Variants in ANKRD31 observed in about 807,000 individuals in gnomAD.
ANKRD31 encodes ankyrin repeat domain-containing protein 31.
A neutral mutation model predicts 186.0 loss-of-function variants in ANKRD31; 147 were observed. The ratio of observed to expected loss-of-function variants is 0.79; its 90% CI spans 0.69 to 0.91. The LOEUF (loss-of-function observed/expected upper bound fraction) is 0.91. Ranked by LOEUF, ANKRD31 falls within the 40% of genes least tolerant of loss-of-function variation. The probability of loss-of-function intolerance (pLI) is 0.00; values close to 1 mark genes in which losing one functional copy is unlikely to be tolerated. For synonymous variants in ANKRD31, 673 were observed against 736.4 expected (o/e 0.91, Z 1.39); for missense variants, 1,986 against 2,148.8 (o/e 0.92, Z 1.50).
chr5:75,188,348 G>A, intron 10 of ANKRD31, 145 bp downstream of exon 10: 1 of 718,396 alleles, frequency 1.4e-6, no homozygotes, highest in East Asian at 3.0e-5. Flanking sequence ...AGATAATGGT[G>A]ATGAGCTACT....
intron 10 of ANKRD31, among the ~76,000 whole-genome samples, chr5:75,171,640 C>T (rs1753329071): frequency 6.6e-6 from 1 of 150,692 alleles, no homozygotes; most frequent in Non-Finnish European, 1.5e-5. Flanking sequence ...ACAAAGACAA[C>T]TAAAAGAGCC....
chr5:75,114,640 G>A (rs139429269), intron 19 of ANKRD31, among the ~76,000 whole-genome samples: 7,490 of 152,090 alleles, frequency 0.049, 449 homozygotes, highest in African/African-American at 0.14. Context: ...CAAATCATGA[G>A]TGAACTCCCA....
chr5:75,147,124 C>A lies in ANKRD31; in HGVS notation c.2287G>T (p.Val763Phe). Residue 763 changes from valine (V) to phenylalanine (F), a missense_variant, in exon 14 of 26, where the codon GTT (valine) becomes TTT (phenylalanine). Physicochemically the swap from Val to Phe is conservative, Grantham distance 50. Transcript: ENST00000506364. ...VSPSRRINRL[V>F]TYQQHIPETH... ...TCTGGAATATGCTGCTGATAGGTAACCAATCTGTTTATTCTCCTGGAAGGA... is the reference window on the plus strand; with the variant it reads ...TCTGGAATATGCTGCTGATAGGTAAACAATCTGTTTATTCTCCTGGAAGGA... The A allele has an allele frequency of 6.5e-7, 1 of 1,536,282 alleles. No individual in the cohort carries two copies. Among genetic ancestry groups the A allele is most frequent in the Non-Finnish European group, 8.7e-7 (1 of 1,146,302 alleles).
At chr5:75,182,830 A>T (rs1390894965) in intron 10 of ANKRD31, among the ~76,000 whole-genome samples, 2 of 152,188 alleles carry the variant, frequency 1.3e-5, no homozygotes, top group East Asian at 3.8e-4. Flanking sequence ...GGTAAATATA[A>T]AAGTAAACAT....
At chr5:75,148,904 T>C (rs1751669958) in intron 12 of ANKRD31, among the ~76,000 whole-genome samples, 1 of 151,914 alleles carries the variant, frequency 6.6e-6, no homozygotes, top group Non-Finnish European at 1.5e-5. Flanking sequence ...AGTATTTATT[T>C]TCCCCACAGA....
intron 25 of ANKRD31, among the ~76,000 whole-genome samples, chr5:75,069,022 GGCATATA>G (rs1743994312): frequency 6.6e-6 from 1 of 152,024 alleles, no homozygotes. Context: ...CATACCGCCG[GGCATATA>G]GCAAACAATA....
At chr5:75,117,377 G>A (rs142527881) in intron 18 of ANKRD31, among the ~76,000 whole-genome samples, 1 of 152,262 alleles carries the variant, frequency 6.6e-6, no homozygotes, top group Non-Finnish European at 1.5e-5. Flanking sequence ...ATGGAAGCAG[G>A]CAACGAAAAG....
chr5:75,104,196 T>G, intron 22 of ANKRD31, 32 bp downstream of exon 22: 1 of 1,415,708 alleles, frequency 7.1e-7, no homozygotes. Flanking sequence ...TTATAAAATT[T>G]GCATGATTTT....
intron 22 of ANKRD31, among the ~76,000 whole-genome samples, chr5:75,093,099 T>C (rs1746050207): frequency 1.3e-5 from 2 of 151,974 alleles, no homozygotes; most frequent in African/African-American, 4.8e-5. Context: ...CAGAGAAATA[T>C]GGAACACCAT....
rs1428405237 is a variant in ANKRD31, at chr5:75,147,084, A to T, written c.2327T>A (p.Leu776His). 6.5e-7 allele frequency: 1 copy of T among 1,536,410 alleles called. No homozygotes were observed. Among genetic ancestry groups the T allele is most frequent in the Non-Finnish European group, 8.7e-7 (1 of 1,146,368 alleles). The change falls in exon 14 of 26, where the codon CTT (leucine) becomes CAT (histidine). Residue 776 changes from leucine (L) to histidine (H), a missense_variant. Transcript: ENST00000506364. Reference protein sequence around the residue: ...QQHIPETHNDLPEELCEPSSL... With the variant: ...QQHIPETHNDHPEELCEPSSL... ...GGAAGGTTCACACAATTCTTCTGGAAGGTCATTATGAGTTTCTGGAATATG... is the reference window on the plus strand; with the variant it reads ...GGAAGGTTCACACAATTCTTCTGGATGGTCATTATGAGTTTCTGGAATATG...
intron 1 of ANKRD31, among the ~76,000 whole-genome samples, chr5:75,234,344 A>G (rs1044773597): frequency 6.6e-6 from 1 of 152,208 alleles, no homozygotes; most frequent in Non-Finnish European, 1.5e-5. Flanking sequence ...TGAATAGACA[A>G]TATATTTATA....
chr5:75,097,348 C>T (rs1399044893), intron 22 of ANKRD31, among the ~76,000 whole-genome samples: 1 of 152,180 alleles, frequency 6.6e-6, no homozygotes, highest in Non-Finnish European at 1.5e-5. Context: ...TAATGATTGC[C>T]ATTCTAACTG....
In ANKRD31 at chr5:75,144,137, T is replaced by C; in HGVS notation, c.3459A>G (p.Glu1153=). 5.0e-6 allele frequency: 2 copies of C among 397,412 alleles called. 1 individual carries two copies. The highest frequency in any genetic ancestry group is 2.5e-4 in the South Asian group (2 of 7,844). 24.6% of individuals were successfully genotyped at this position (397,412 alleles called of 1,614,324 possible). A position where few individuals can be genotyped will look rare whatever the true frequency, so the allele number is the denominator to read the frequency against. ...TCTCCTCACAATTTCTTATAGTTAT[T>C]TCATCTCCACTGATGTTATTAGTTA... The part of the protein sequence containing the change: ...EELTNNISGD[E]ITIRNCEEIK... Residue 1153 remains glutamate, a synonymous_variant, in exon 15 of 26, where the codon GAA becomes GAG. Transcript: ENST00000506364.
chr5:75,173,565 A>C (rs1235624570), intron 10 of ANKRD31, among the ~76,000 whole-genome samples: 1 of 152,208 alleles, frequency 6.6e-6, no homozygotes, highest in Non-Finnish European at 1.5e-5. Flanking sequence ...TGCAAAAATC[A>C]CAAGCATTCC....
chr5:75,225,397 C>T lies in ANKRD31; in HGVS notation c.179-3039G>A, dbSNP rs114817229. The T allele has an allele frequency of 3.3e-3, 521 of 159,070 alleles. 4 individuals are homozygous for T. The highest frequency in any genetic ancestry group is 0.012 in the African/African-American group (496 of 41,580). The allele number at this position is 159,070 out of a possible 1,614,324, so 9.9% of individuals were successfully genotyped here. A position where few individuals can be genotyped will look rare whatever the true frequency, so the allele number is the denominator to read the frequency against. On this transcript the variant is annotated intron_variant, in intron 2 of 25. Transcript: ENST00000506364. ...AGACTCCGATGACCGCAGTGGTCAA[C>T]AAAATCCCCAAGGACTTTTTGTTGA... is the stretch of plus-strand genomic sequence containing the variant.
intron 17 of ANKRD31, among the ~76,000 whole-genome samples, chr5:75,120,969 G>C (rs1232540485): frequency 2.0e-5 from 3 of 152,130 alleles, no homozygotes; most frequent in Non-Finnish European, 4.4e-5. Flanking sequence ...CGGATCATTA[G>C]GTCAGGAGTT....
intron 25 of ANKRD31, among the ~76,000 whole-genome samples, chr5:75,072,590 G>T (rs1744323275): frequency 6.6e-6 from 1 of 152,086 alleles, no homozygotes; most frequent in Non-Finnish European, 1.5e-5. Context: ...ACTGCTATTT[G>T]GGGTTTTCTG....
chr5:75,127,366 G>T (rs1277682093), intron 17 of ANKRD31, among the ~76,000 whole-genome samples: 1 of 151,966 alleles, frequency 6.6e-6, no homozygotes, highest in Admixed American at 6.6e-5. Context: ...AGAGGATATG[G>T]GTGCTTCTGG....
At chr5:75,170,158 T>C (rs1419163851) in intron 10 of ANKRD31, among the ~76,000 whole-genome samples, 1 of 152,160 alleles carries the variant, frequency 6.6e-6, no homozygotes, top group Non-Finnish European at 1.5e-5. Flanking sequence ...TAGATATATA[T>C]GATAGCTATA....
Sources: allele counts gnomAD v4.1 joint callset (sites outside exome capture counted in the v4.1 genomes callset), GRCh38; gene constraint gnomAD v4.1.1; transcripts MANE v1.5; gene names NCBI Gene and HGNC (gene_info 2026-07-23, HGNC 2026-07-21).